Variants in KANTR observed in about 807,000 individuals in gnomAD.
KANTR encodes KDM5C adjacent transcript.
chrX:53,111,010 A>C (rs1024294703), intron 2 of KANTR, among the ~76,000 whole-genome samples: 1 of 108,563 alleles, frequency 9.2e-6, no homozygotes, highest in East Asian at 2.9e-4. Flanking sequence ...TTATTTTATA[A>C]ATTTTATTTA....
At chrX:53,120,460 C>G (rs1933200604) in intron 2 of KANTR, among the ~76,000 whole-genome samples, 1 of 111,664 alleles carries the variant, frequency 9.0e-6, no homozygotes, top group South Asian at 3.7e-4. Context: ...GAGCCTCCCT[C>G]CCTAAGAGCC....
chrX:53,125,023 A>G (rs943652499), exon 3 of KANTR: 2 of 111,840 alleles, frequency 1.8e-5, no homozygotes, highest in South Asian at 7.4e-4. Context: ...TTAATGTTCA[A>G]CTGTAATGGT....
chrX:53,104,486 C>T (rs1425599332), intron 2 of KANTR, among the ~76,000 whole-genome samples: 2 of 110,473 alleles, frequency 1.8e-5, no homozygotes, highest in Non-Finnish European at 3.8e-5. Flanking sequence ...CTCGGCCTCC[C>T]AAACATGATC....
At chrX:53,101,345 A>T (rs782734387) in intron 2 of KANTR, among the ~76,000 whole-genome samples, 1 of 111,383 alleles carries the variant, frequency 9.0e-6, no homozygotes, top group Non-Finnish European at 1.9e-5. Context: ...ATGGCCCACG[A>T]CTGTAATCCC....
chrX:53,126,101 G>A (rs1933289523), exon 3 of KANTR: 1 of 110,204 alleles, frequency 9.1e-6, no homozygotes, highest in African/African-American at 3.3e-5. Context: ...AGTAGTAGTA[G>A]TAGTAGTGGT....
rs1556818584 is a variant in KANTR, at chrX:53,142,316, G to GTGT, written n.673_674insGTT. 32 of 95,201 alleles carry GTGT rather than the reference G, an allele frequency of 3.4e-4. 1 individual carries two copies. The highest frequency in any genetic ancestry group is 5.9e-4 in the Non-Finnish European group (29 of 49,505). 7.8% of individuals were successfully genotyped at this position (95,201 alleles called of 1,213,427 possible). A position where few individuals can be genotyped will look rare whatever the true frequency, so the allele number is the denominator to read the frequency against. Reference sequence around the variant, plus strand: ...GCTTCAAGGACAACTTTCTGTGTATGTTTTTTTTTTTTTTTTTGAGACGTA... The same window carrying GTGT: ...GCTTCAAGGACAACTTTCTGTGTATGTGTTTTTTTTTTTTTTTTTTGAGACGTA... On this transcript the variant is annotated non_coding_transcript_exon_variant, in exon 3 of 3. Transcript: ENST00000366185.
At chrX:53,100,044 A>C (rs1304699968) in intron 2 of KANTR, among the ~76,000 whole-genome samples, 3 of 112,333 alleles carry the variant, frequency 2.7e-5, no homozygotes, top group African/African-American at 9.7e-5. Context: ...CACTGGCTTC[A>C]AGTTAAAAGT....
chrX:53,137,769 C>CA (rs61347731), intron 2 of KANTR, among the ~76,000 whole-genome samples: 3,890 of 88,287 alleles, frequency 0.044, 105 homozygotes, highest in Middle Eastern at 0.087. Context: ...AACTCCATCT[C>CA]AAAAAAAAAA....
chrX:53,115,683 A>C (rs1284679189), intron 2 of KANTR, among the ~76,000 whole-genome samples: 1 of 113,038 alleles, frequency 8.8e-6, no homozygotes, highest in African/African-American at 3.2e-5. Context: ...GGGAAAGCCC[A>C]GTGCTTACTT....
downstream of KANTR, among the ~76,000 whole-genome samples, chrX:53,131,550 GACA>G (rs1556817043): frequency 1.8e-5 from 2 of 111,976 alleles, no homozygotes; most frequent in African/African-American, 6.5e-5. Flanking sequence ...AAAAGCATTT[GACA>G]ACATCTAACA....
intron 2 of KANTR, among the ~76,000 whole-genome samples, chrX:53,135,075 A>G (rs1283985390): frequency 1.8e-5 from 2 of 112,026 alleles, no homozygotes; most frequent in African/African-American, 6.5e-5. Flanking sequence ...CAGCATTCCT[A>G]AAGGATTCAG....
In KANTR at chrX:53,104,200, A is replaced by G. The variant is rs1932919139; in HGVS notation, c.-805+4592A>G. 2.7e-5 allele frequency among the ~76,000 whole-genome samples: 3 copies of G among 109,900 alleles called. No homozygotes were observed. The South Asian group carries it at 1.2e-3, about 42-fold the overall frequency. ...TAAATATTATTATAAATAAATAAAT[A>G]AAAGTATACTGTTCAGTAGTTTTAT... On this transcript the variant is annotated intron_variant, in intron 2 of 2. Transcript: ENST00000604062.
chrX:53,098,936 G>C lies in KANTR; in HGVS notation c.-941-536G>C, dbSNP rs72620318. 1.2e-4 allele frequency among the ~76,000 whole-genome samples: 13 copies of C among 110,837 alleles called. No individual in the cohort carries two copies. In the East Asian group the frequency reaches 3.7e-3, roughly 32 times the overall value. The stretch of plus-strand genomic sequence containing the variant: ...GGTGGGGTCTTGTTGTGTTGTCCAG[G>C]CTAGTCTCAAACTCCTGGCCTCAAG... On this transcript the variant is annotated intron_variant, in intron 1 of 2. Coordinates refer to ENST00000604062, the Ensembl canonical transcript of KANTR.
At chrX:53,097,349 A>AGTTTTT (rs1932852062) in intron 1 of KANTR, among the ~76,000 whole-genome samples, 1 of 42,527 alleles carries the variant, frequency 2.4e-5, no homozygotes, top group Non-Finnish European at 5.8e-5. Flanking sequence ...ATTTGTTTTA[A>AGTTTTT]GTTTTTTTTT....
At chrX:53,140,362 G>A (rs1933484616) in intron 2 of KANTR, among the ~76,000 whole-genome samples, 1 of 110,823 alleles carries the variant, frequency 9.0e-6, no homozygotes, top group African/African-American at 3.3e-5. Flanking sequence ...TTAGCTGGAT[G>A]TGGTGGTGGA....
downstream of KANTR, chrX:53,127,464 T>G: frequency 8.9e-6 from 1 of 111,957 alleles, no homozygotes; most frequent in Non-Finnish European, 1.9e-5. Flanking sequence ...CTTAATTGAT[T>G]AATGTGGAGG....
intron 2 of KANTR, chrX:53,113,110 G>A: frequency 3.5e-6 from 1 of 282,552 alleles, no homozygotes; most frequent in Admixed American, 3.7e-5. Flanking sequence ...TCTTCTTCTT[G>A]CCCATGGGCA....
intron 2 of KANTR, among the ~76,000 whole-genome samples, chrX:53,104,662 A>G (rs1345906513): frequency 9.0e-6 from 1 of 111,186 alleles, no homozygotes; most frequent in Non-Finnish European, 1.9e-5. Flanking sequence ...ATCGTACAAG[A>G]TACTGGTCTT....
exon 3 of KANTR, chrX:53,142,316 G>GTGTTT: frequency 9.8e-6 from 1 of 102,214 alleles, no homozygotes; most frequent in Non-Finnish European, 1.9e-5. Context: ...TTCTGTGTAT[G>GTGTTT]TTTTTTTTTT....
Sources: allele counts gnomAD v4.1 joint callset (sites outside exome capture counted in the v4.1 genomes callset), GRCh38; gene constraint gnomAD v4.1.1; transcripts MANE v1.5; gene names NCBI Gene and HGNC (gene_info 2026-07-23, HGNC 2026-07-21).